The following RPS6KC1 variants were observed in gnomAD, a reference collection of about 807,000 sequenced individuals.
RPS6KC1 encodes the protein inactive ribosomal protein S6 kinase delta-1.
Under a neutral mutation model 103.8 loss-of-function variants are expected in RPS6KC1, and 54 were observed. The ratio of observed to expected loss-of-function variants is 0.52; its 90% CI spans 0.42 to 0.65. RPS6KC1 has a LOEUF of 0.65. Among genes scored for constraint, RPS6KC1 ranks in the 30% least tolerant of loss-of-function variants. The probability of loss-of-function intolerance (pLI) is 0.00; values close to 1 mark genes in which losing one functional copy is unlikely to be tolerated. For synonymous variants in RPS6KC1, 439 were observed against 438.7 expected (o/e 1.00, Z -0.01); for missense variants, 1,151 against 1,253.8 (o/e 0.92, Z 1.24).
chr1:213,111,476 A>C (rs1265585825), intron 4 of RPS6KC1, among the ~76,000 whole-genome samples: 1 of 152,072 alleles, frequency 6.6e-6, no homozygotes. Flanking sequence ...TGTTTCATTA[A>C]ATATTTGTTC....
chr1:213,363,815 T>TC, the RPS6KC1 span, among the ~76,000 whole-genome samples: 7,561 of 69,282 alleles, frequency 0.11, 1,836 homozygotes, highest in African/African-American at 0.36. Flanking sequence ...TCTTTCTTTC[T>TC]TCTCTCTTTT....
At chr1:213,136,664 GTATAT>G (rs763541985) in intron 6 of RPS6KC1, among the ~76,000 whole-genome samples, 81 of 152,112 alleles carry the variant, frequency 5.3e-4, no homozygotes, top group Non-Finnish European at 5.6e-4. Context: ...TTTAACGGAA[GTATAT>G]TATATATACA....
chr1:213,805,881 G>A, the RPS6KC1 span, among the ~76,000 whole-genome samples: 1 of 152,200 alleles, frequency 6.6e-6, no homozygotes, highest in South Asian at 2.1e-4. Context: ...TTCACAGGCT[G>A]GACAATGAAT....
chr1:213,768,067 T>C, the RPS6KC1 span, among the ~76,000 whole-genome samples: 1 of 152,348 alleles, frequency 6.6e-6, no homozygotes, highest in East Asian at 1.9e-4. Flanking sequence ...CGGGTATTTA[T>C]CTATATCACT....
chr1:213,416,578 C>A, the RPS6KC1 span, among the ~76,000 whole-genome samples: 7 of 152,158 alleles, frequency 4.6e-5, no homozygotes, highest in African/African-American at 1.7e-4. Flanking sequence ...TCCAGATTCA[C>A]CCCTTTCCCA....
the RPS6KC1 span, among the ~76,000 whole-genome samples, chr1:213,297,083 T>C: frequency 2.0e-5 from 3 of 152,120 alleles, no homozygotes; most frequent in Admixed American, 2.0e-4. Context: ...AGAAATGCAG[T>C]CATATCTAAG....
the RPS6KC1 span, among the ~76,000 whole-genome samples, chr1:213,779,516 C>T: frequency 4.6e-5 from 7 of 152,090 alleles, no homozygotes; most frequent in Non-Finnish European, 1.0e-4. Context: ...AGTGACTTCA[C>T]CTTTCCGAGA....
At chr1:213,113,015 A>G (rs2083190537) in intron 4 of RPS6KC1, among the ~76,000 whole-genome samples, 1 of 152,230 alleles carries the variant, frequency 6.6e-6, no homozygotes, top group African/African-American at 2.4e-5. Flanking sequence ...TAATGCCGCA[A>G]TAAACATATG....
chr1:213,580,750 A>G, the RPS6KC1 span, among the ~76,000 whole-genome samples: 1 of 149,716 alleles, frequency 6.7e-6, no homozygotes, highest in Admixed American at 6.7e-5. Context: ...AAAGGCTGAG[A>G]TGATTGTTAG....
chr1:213,718,410 G>A, the RPS6KC1 span, among the ~76,000 whole-genome samples: 2 of 152,188 alleles, frequency 1.3e-5, no homozygotes, highest in Admixed American at 1.3e-4. Flanking sequence ...GCCCTATGAG[G>A]TTGAGTTATT....
intron 3 of RPS6KC1, among the ~76,000 whole-genome samples, chr1:213,090,597 T>A (rs1309900377): frequency 6.6e-6 from 1 of 152,216 alleles, no homozygotes; most frequent in Non-Finnish European, 1.5e-5. Context: ...CAATTTGAAA[T>A]AAACCTTTTC....
At chr1:213,182,408 T>C (rs895095230) in intron 8 of RPS6KC1, among the ~76,000 whole-genome samples, 2 of 152,180 alleles carry the variant, frequency 1.3e-5, no homozygotes, top group South Asian at 4.2e-4. Flanking sequence ...TGAGAATCGC[T>C]TAAATCTGGG....
the RPS6KC1 span, among the ~76,000 whole-genome samples, chr1:213,846,843 T>C: frequency 6.6e-6 from 1 of 152,254 alleles, no homozygotes; most frequent in Non-Finnish European, 1.5e-5. Flanking sequence ...AATTAAAATA[T>C]CAGAAATTTA....
the RPS6KC1 span, among the ~76,000 whole-genome samples, chr1:213,548,307 GA>G: frequency 6.6e-6 from 1 of 152,098 alleles, no homozygotes; most frequent in African/African-American, 2.4e-5. Flanking sequence ...TAGAAAAGTA[GA>G]AAAAATAGGC....
intron 9 of RPS6KC1, 80 bp from the exon 10 acceptor site, chr1:213,232,043 A>G (rs2094115641): frequency 6.4e-7 from 1 of 1,557,626 alleles, no homozygotes; most frequent in Non-Finnish European, 8.8e-7. Flanking sequence ...AGTTTGGTTG[A>G]TAAACACAGA....
intron 1 of RPS6KC1, among the ~76,000 whole-genome samples, chr1:213,070,383 T>A (rs1217988746): frequency 1.3e-5 from 2 of 152,234 alleles, no homozygotes; most frequent in Non-Finnish European, 2.9e-5. Context: ...ATATGAACTT[T>A]AGCATGTGGA....
chr1:213,625,502 A>G, the RPS6KC1 span, among the ~76,000 whole-genome samples: 1 of 152,096 alleles, frequency 6.6e-6, no homozygotes, highest in African/African-American at 2.4e-5. Context: ...ATATGTATAC[A>G]TGTGCCATGC....
At chr1:213,608,556 A>G in the RPS6KC1 span, among the ~76,000 whole-genome samples, 1 of 152,166 alleles carries the variant, frequency 6.6e-6, no homozygotes, top group Admixed American at 6.5e-5. Context: ...TCGTGGAAAC[A>G]TAAACCTGGA....
intron 8 of RPS6KC1, among the ~76,000 whole-genome samples, chr1:213,214,937 C>A (rs1014662491): frequency 6.6e-6 from 1 of 152,110 alleles, no homozygotes; most frequent in Non-Finnish European, 1.5e-5. Context: ...AAAAACAGAA[C>A]ATAAAAAACT....
Sources: gnomAD v4.1 joint callset for allele counts (sites outside exome capture counted in the v4.1 genomes callset) on GRCh38, gnomAD v4.1.1 for gene constraint, MANE v1.5 for transcripts, NCBI Gene and HGNC (gene_info 2026-07-23, HGNC 2026-07-21) for gene names.